The following ERICH6B variants were observed in gnomAD, a reference collection of about 807,000 sequenced individuals.
ERICH6B encodes the protein glutamate rich 6B, also known as glutamate-rich protein 6B.
In ERICH6B, 69 loss-of-function variants were observed where a neutral mutation model predicts 80.0. The ratio of observed to expected loss-of-function variants is 0.86; its 90% CI spans 0.71 to 1.05. The LOEUF (loss-of-function observed/expected upper bound fraction) is 1.05. Ranked by LOEUF, ERICH6B falls within the 50% of genes least tolerant of loss-of-function variation. The pLI is 0.00. For synonymous variants in ERICH6B, 283 were observed against 291.9 expected (o/e 0.97, Z 0.31); for missense variants, 754 against 796.1 (o/e 0.95, Z 0.64).
intron 14 of ERICH6B, among the ~76,000 whole-genome samples, chr13:45,543,090 CG>C (rs148945309): frequency 0.021 from 3,167 of 152,306 alleles, 105 homozygotes; most frequent in African/African-American, 0.071. Flanking sequence ...CCAGGGGCCC[CG>C]GGACACCTCT....
chr13:45,614,620 G>A (rs1385979159), intron 1 of ERICH6B, among the ~76,000 whole-genome samples: 1 of 152,224 alleles, frequency 6.6e-6, no homozygotes, highest in Non-Finnish European at 1.5e-5. Flanking sequence ...GATGGAGTGG[G>A]TGACCCTTGG....
At chr13:45,606,089 A>T (rs1949857833) in intron 2 of ERICH6B, among the ~76,000 whole-genome samples, 2 of 152,208 alleles carry the variant, frequency 1.3e-5, no homozygotes, top group African/African-American at 4.8e-5. Flanking sequence ...ATTCCTTCAA[A>T]TATTTAAAAG....
intron 2 of ERICH6B, among the ~76,000 whole-genome samples, chr13:45,603,154 A>T (rs1011519377): frequency 1.3e-5 from 2 of 152,208 alleles, no homozygotes; most frequent in Non-Finnish European, 2.9e-5. Context: ...AAGAAGAATG[A>T]GAAAAAAATT....
intron 13 of ERICH6B, among the ~76,000 whole-genome samples, chr13:45,547,648 C>T (rs578203198): frequency 1.3e-5 from 2 of 152,258 alleles, no homozygotes; most frequent in South Asian, 4.2e-4. Flanking sequence ...CTGTACATGC[C>T]CTGTCATAAA....
intron 1 of ERICH6B, among the ~76,000 whole-genome samples, chr13:45,610,867 ATT>A (rs1949895859): frequency 3.3e-5 from 5 of 150,068 alleles, no homozygotes; most frequent in African/African-American, 9.9e-5. Context: ...GTATATATAT[ATT>A]TATATATAAT....
intron 7 of ERICH6B, among the ~76,000 whole-genome samples, 198 bp from the exon 8 acceptor site, chr13:45,575,128 A>G (rs181125669): frequency 1.3e-5 from 2 of 152,350 alleles, no homozygotes; most frequent in African/African-American, 2.4e-5. Context: ...CAAAATAGGA[A>G]TAAGAGGGTC....
chr13:45,553,735 C>T (rs1273216886), intron 11 of ERICH6B, among the ~76,000 whole-genome samples: 1 of 152,176 alleles, frequency 6.6e-6, no homozygotes, highest in African/African-American at 2.4e-5. Flanking sequence ...ATCCCTGATG[C>T]TGCCTCTAAC....
chr13:45,593,824 T>C (rs1424205380), intron 3 of ERICH6B, among the ~76,000 whole-genome samples: 1 of 152,192 alleles, frequency 6.6e-6, no homozygotes, highest in African/African-American at 2.4e-5. Context: ...TCAAAATTCT[T>C]CTCAACATAG....
intron 7 of ERICH6B, among the ~76,000 whole-genome samples, chr13:45,577,276 CT>C (rs34244794): frequency 2.9e-3 from 249 of 86,030 alleles, no homozygotes; most frequent in African/African-American, 6.6e-3. Context: ...AAAAACAAAT[CT>C]TTTTTTTTTT....
At chr13:45,542,424 C>G (rs1035888452) in intron 14 of ERICH6B, among the ~76,000 whole-genome samples, 1 of 152,174 alleles carries the variant, frequency 6.6e-6, no homozygotes, top group Admixed American at 6.5e-5. Flanking sequence ...GTGGGCTGAC[C>G]CTGTGCCAGG....
chr13:45,596,766 CA>C lies in ERICH6B; in HGVS notation c.239del (p.Leu80Ter). ...EEEYLGKEEY[L>X]KEEEYLGKEE... ...CCTTCCCCAGATACTCTTCCTCCTT[CA>C]AGTATTCTTCTTTCCCCAGATACTC... On this transcript the variant is annotated frameshift_variant, in exon 3 of 15. Coordinates refer to ENST00000298738, the MANE Select transcript of ERICH6B (RefSeq NM_182542.3). LOFTEE classifies it high-confidence loss of function. 6.4e-7 allele frequency: 1 copy of C among 1,551,670 alleles called. No individual in the cohort carries two copies. Among genetic ancestry groups the C allele is most frequent in the Non-Finnish European group, 8.7e-7 (1 of 1,146,954 alleles).
intron 4 of ERICH6B, among the ~76,000 whole-genome samples, chr13:45,588,915 G>A (rs2138012448): frequency 6.6e-6 from 1 of 152,256 alleles, no homozygotes; most frequent in East Asian, 1.9e-4. Context: ...ACCACTCGAG[G>A]CCTGCTTCTG....
At chr13:45,597,935 G>T (rs1207415610) in intron 2 of ERICH6B, among the ~76,000 whole-genome samples, 1 of 152,086 alleles carries the variant, frequency 6.6e-6, no homozygotes, top group Non-Finnish European at 1.5e-5. Flanking sequence ...GAATTACTGG[G>T]TTTCCTGAGA....
At chr13:45,546,372 GAGA>G (rs1235533266) in intron 13 of ERICH6B, among the ~76,000 whole-genome samples, 6 of 152,212 alleles carry the variant, frequency 3.9e-5, no homozygotes, top group South Asian at 2.1e-4. Flanking sequence ...GGTTCGTCTG[GAGA>G]AGGAGGGCTT....
intron 1 of ERICH6B, among the ~76,000 whole-genome samples, chr13:45,609,295 C>G (rs972664411): frequency 1.3e-5 from 2 of 152,190 alleles, no homozygotes; most frequent in African/African-American, 4.8e-5. Context: ...CTTGCTGCAG[C>G]CTGTTCTCAC....
At chr13:45,571,116 A>G (rs968980068) in intron 8 of ERICH6B, among the ~76,000 whole-genome samples, 5 of 152,194 alleles carry the variant, frequency 3.3e-5, no homozygotes, top group East Asian at 1.9e-4. Context: ...TGTCTGTGCC[A>G]TATGTGCTGC....
At chr13:45,602,004 G>A (rs1298556312) in intron 2 of ERICH6B, among the ~76,000 whole-genome samples, 1 of 152,226 alleles carries the variant, frequency 6.6e-6, no homozygotes, top group Admixed American at 6.5e-5. Flanking sequence ...AAACGTCTAT[G>A]TGTGTGAATG....
At chr13:45,542,135 C>T (rs1254236030) in intron 14 of ERICH6B, among the ~76,000 whole-genome samples, 1 of 152,170 alleles carries the variant, frequency 6.6e-6, no homozygotes, top group African/African-American at 2.4e-5. Context: ...AGGCCTGGCC[C>T]AGGGAGGCCG....
chr13:45,573,150 A>T (rs1875246907), intron 8 of ERICH6B, among the ~76,000 whole-genome samples: 1 of 152,138 alleles, frequency 6.6e-6, no homozygotes, highest in Non-Finnish European at 1.5e-5. Flanking sequence ...CATTCATTGC[A>T]TTGAATACAT....
Sources: gnomAD v4.1 joint callset for allele counts (sites outside exome capture counted in the v4.1 genomes callset) on GRCh38, gnomAD v4.1.1 for gene constraint, MANE v1.5 for transcripts, NCBI Gene and HGNC (gene_info 2026-07-23, HGNC 2026-07-21) for gene names.